The following ERBB4 variants were observed in gnomAD, a reference collection of about 807,000 sequenced individuals.
ERBB4 encodes the protein erb-b2 receptor tyrosine kinase 4, also known as receptor tyrosine-protein kinase erbB-4.
Under a neutral mutation model 158.0 loss-of-function variants are expected in ERBB4, and 42 were observed. That is an observed-to-expected ratio of 0.27 (90% confidence interval 0.21 to 0.34). The LOEUF is 0.34. Among genes scored for constraint, ERBB4 ranks in the 10% least tolerant of loss-of-function variants. ERBB4 has a pLI of 1.00. For synonymous variants in ERBB4, 583 were observed against 558.7 expected, an observed-to-expected ratio of 1.04 and a Z score of -0.61; for missense variants, 1,333 against 1,624.1, an observed-to-expected ratio of 0.82 and a Z score of 3.08.
intron 12 of ERBB4, among the ~76,000 whole-genome samples, chr2:211,690,756 C>A (rs1400323869): frequency 6.6e-6 from 1 of 152,088 alleles, no homozygotes; most frequent in Non-Finnish European, 1.5e-5. Context: ...CTCTGACTTC[C>A]TGCAGTGATA....
chr2:212,144,292 A>G (rs962725826), intron 1 of ERBB4, among the ~76,000 whole-genome samples: 4 of 152,202 alleles, frequency 2.6e-5, no homozygotes, highest in African/African-American at 9.6e-5. Context: ...CATTGAATGA[A>G]ATTCTAGTCA....
chr2:212,470,405 C>A (rs944424521), intron 1 of ERBB4, among the ~76,000 whole-genome samples: 2 of 152,024 alleles, frequency 1.3e-5, no homozygotes, highest in South Asian at 2.1e-4. Context: ...ATAAGGATTG[C>A]CTATCATAGG....
intron 1 of ERBB4, among the ~76,000 whole-genome samples, chr2:212,511,891 A>G (rs766435089): frequency 6.6e-6 from 1 of 152,172 alleles, no homozygotes; most frequent in Non-Finnish European, 1.5e-5. Context: ...GTCACCATCC[A>G]GTACCAAAGG....
At chr2:211,888,702 C>T (rs1362124719) in intron 3 of ERBB4, among the ~76,000 whole-genome samples, 64 of 150,130 alleles carry the variant, frequency 4.3e-4, no homozygotes, top group Non-Finnish European at 5.6e-4. Flanking sequence ...GCACCGTGCG[C>T]GAGCCGAAGC....
chr2:212,061,067 G>T (rs2077749150), intron 2 of ERBB4, among the ~76,000 whole-genome samples: 1 of 151,900 alleles, frequency 6.6e-6, no homozygotes, highest in Non-Finnish European at 1.5e-5. Flanking sequence ...TTGTAGAATT[G>T]CTTAGTCTGT....
chr2:212,421,584 T>G (rs943291553), intron 1 of ERBB4, among the ~76,000 whole-genome samples: 1 of 152,164 alleles, frequency 6.6e-6, no homozygotes, highest in Non-Finnish European at 1.5e-5. Flanking sequence ...AATGAGGAAT[T>G]CTCCATCATG....
In ERBB4 at chr2:212,223,932, C is replaced by T. The variant is rs535457518; in HGVS notation, c.83-99029G>A. Among the ~76,000 whole-genome samples, 10 of 151,810 alleles carry T rather than the reference C, an allele frequency of 6.6e-5. No individual in the cohort carries two copies. The East Asian group carries it at 1.4e-3, about 21-fold the overall frequency. On this transcript the variant is annotated intron_variant, in intron 1 of 27. Transcript: ENST00000342788. ...ATAGATTACCTTCCAGCCAACACAA[C>T]GATTAACAGACATAAGGCTTGTAGT...
At chr2:212,173,180 A>G (rs1313408502) in intron 1 of ERBB4, among the ~76,000 whole-genome samples, 1 of 152,184 alleles carries the variant, frequency 6.6e-6, no homozygotes, top group Non-Finnish European at 1.5e-5. Flanking sequence ...CACAGAGAAC[A>G]AAACACAAAT....
intron 26 of ERBB4, among the ~76,000 whole-genome samples, chr2:211,387,446 T>C (rs1364884937): frequency 6.6e-6 from 1 of 152,210 alleles, no homozygotes; most frequent in East Asian, 1.9e-4. Context: ...CAAGTGCCTA[T>C]ATTTAATACA....
intron 3 of ERBB4, among the ~76,000 whole-genome samples, chr2:211,904,417 A>G (rs959719907): frequency 4.6e-5 from 7 of 152,096 alleles, no homozygotes; most frequent in Admixed American, 3.9e-4. Context: ...ACTCTAGGAG[A>G]AAAATTCTTT....
At chr2:211,523,525 A>C (rs763635130) in intron 20 of ERBB4, among the ~76,000 whole-genome samples, 1 of 150,746 alleles carries the variant, frequency 6.6e-6, no homozygotes. Context: ...ATGTGTTCGG[A>C]GTTTCGTCCT....
chr2:211,610,729 C>T (rs919756113), intron 19 of ERBB4, among the ~76,000 whole-genome samples: 3 of 152,074 alleles, frequency 2.0e-5, no homozygotes, highest in African/African-American at 7.2e-5. Flanking sequence ...TGGAAAATAC[C>T]TACAATATGG....
intron 2 of ERBB4, among the ~76,000 whole-genome samples, chr2:211,948,073 C>T (rs2080752914): frequency 1.3e-5 from 2 of 152,074 alleles, no homozygotes; most frequent in South Asian, 2.1e-4. Flanking sequence ...GTGTTTGGTG[C>T]TATATTTATC....
At chr2:212,382,312 C>T (rs561074442) in intron 1 of ERBB4, among the ~76,000 whole-genome samples, 3 of 150,320 alleles carry the variant, frequency 2.0e-5, no homozygotes, top group African/African-American at 4.8e-5. Flanking sequence ...ATATTATACA[C>T]ACATGTATAT....
intron 1 of ERBB4, among the ~76,000 whole-genome samples, chr2:212,286,609 T>TTTGTTTTGTTTTG (rs2085982870): frequency 1.6e-5 from 1 of 60,800 alleles, no homozygotes; most frequent in Non-Finnish European, 4.5e-5. Context: ...TTTTTTTTTT[T>TTTGTTTTGTTTTG]TTTTTTTTTT....
At chr2:211,636,762 G>A (rs1469033242) in intron 16 of ERBB4, among the ~76,000 whole-genome samples, 1 of 151,730 alleles carries the variant, frequency 6.6e-6, no homozygotes, top group East Asian at 1.9e-4. Context: ...TGTGTATATA[G>A]GATCGAAAAA....
At chr2:212,170,247 T>C (rs1312126307) in intron 1 of ERBB4, among the ~76,000 whole-genome samples, 1 of 152,134 alleles carries the variant, frequency 6.6e-6, no homozygotes, top group African/African-American at 2.4e-5. Context: ...CAAGAGCAAA[T>C]ATCACTCTTG....
intron 2 of ERBB4, among the ~76,000 whole-genome samples, chr2:212,097,725 T>C (rs775072504): frequency 6.6e-6 from 1 of 152,110 alleles, no homozygotes; most frequent in Non-Finnish European, 1.5e-5. Context: ...GGAATCCAAA[T>C]GATTTCAAAG....
intron 2 of ERBB4, among the ~76,000 whole-genome samples, chr2:212,019,706 T>C (rs2076605318): frequency 7.5e-6 from 1 of 132,962 alleles, no homozygotes; most frequent in Non-Finnish European, 1.5e-5. Flanking sequence ...GAGGTTGCAG[T>C]GAGCCAAGAT....
Sources: gnomAD v4.1 joint callset for allele counts (sites outside exome capture counted in the v4.1 genomes callset) on GRCh38, gnomAD v4.1.1 for gene constraint, MANE v1.5 for transcripts, NCBI Gene and HGNC (gene_info 2026-07-23, HGNC 2026-07-21) for gene names.